The following PLSCR5 variants were observed in gnomAD, a reference collection of about 807,000 sequenced individuals.
The protein encoded by PLSCR5 is phospholipid scramblase family member 5.
In PLSCR5, 44 loss-of-function variants were observed where a neutral mutation model predicts 33.6. The observed-to-expected ratio is 1.31, with a 90% CI of 1.03 to 1.69. The LOEUF is 1.69. PLSCR5 is among the 40% of genes most tolerant of loss of function. The pLI is 0.00. For synonymous variants in PLSCR5, 148 were observed against 112.3 expected (o/e 1.32, Z -2.01); for missense variants, 375 against 318.7 (o/e 1.18, Z -1.34).
chr3:146,592,949 C>T (rs780575891), intron 4 of PLSCR5, among the ~76,000 whole-genome samples: 2 of 152,084 alleles, frequency 1.3e-5, no homozygotes, highest in African/African-American at 2.4e-5. Context: ...GCTCCATGCA[C>T]GAGCACTTCA....
At chr3:146,591,945 A>C in intron 4 of PLSCR5, 64 bp from the exon 5 acceptor site, 1 of 1,346,280 alleles carries the variant, frequency 7.4e-7, no homozygotes, top group East Asian at 2.5e-5. Context: ...TTTTACTATA[A>C]TGTCAATTTA....
chr3:146,604,631 G>C (rs1432208147), intron 1 of PLSCR5, among the ~76,000 whole-genome samples: 2 of 152,020 alleles, frequency 1.3e-5, no homozygotes, highest in Non-Finnish European at 2.9e-5. Flanking sequence ...ATAAAACTTA[G>C]AGAGTGTAAC....
intron 5 of PLSCR5, among the ~76,000 whole-genome samples, chr3:146,591,135 A>G (rs1464440193): frequency 1.3e-5 from 2 of 151,712 alleles, no homozygotes; most frequent in African/African-American, 4.8e-5. Context: ...CCCATAGGAA[A>G]GAAGATACAT....
intron 2 of PLSCR5, among the ~76,000 whole-genome samples, chr3:146,598,769 C>A (rs183269780): frequency 6.6e-6 from 1 of 152,314 alleles, no homozygotes; most frequent in East Asian, 1.9e-4. Context: ...GCTATTACAG[C>A]TGATCCTTTC....
At chr3:146,581,437 T>C (rs2044632169), downstream of PLSCR5, among the ~76,000 whole-genome samples, 1 of 152,248 alleles carries the variant, frequency 6.6e-6, no homozygotes, top group Non-Finnish European at 1.5e-5. Context: ...TTTACTGTTA[T>C]AACTTAATGC....
At chr3:146,597,186 A>G (rs2044768515) in intron 2 of PLSCR5, among the ~76,000 whole-genome samples, 1 of 152,182 alleles carries the variant, frequency 6.6e-6, no homozygotes, top group Non-Finnish European at 1.5e-5. Context: ...CTGACAATGA[A>G]AAAGTAGTAC....
Position 146,605,194 on chromosome 3 carries a change from T to C in PLSCR5, c.13+6A>G. 1 of 1,609,576 alleles carries C rather than the reference T, an allele frequency of 6.2e-7. No homozygotes were observed. ...AAAGTTATTAGTTGGTTATATTTACTCTTACCTTTAGAGGCCATGAAGATG... is the reference window on the plus strand; with the variant it reads ...AAAGTTATTAGTTGGTTATATTTACCCTTACCTTTAGAGGCCATGAAGATG... On this transcript the variant is annotated splice_donor_region_variant and intron_variant, in intron 1 of 7. Coordinates refer to ENST00000443512, the MANE Select transcript of PLSCR5 (RefSeq NM_001085420.2).
intron 2 of PLSCR5, among the ~76,000 whole-genome samples, chr3:146,597,704 GA>G (rs2044773441): frequency 6.6e-6 from 1 of 152,084 alleles, no homozygotes; most frequent in African/African-American, 2.4e-5. Flanking sequence ...AGCAATTTTG[GA>G]AACTTTAAAC....
rs188009563 is a variant in PLSCR5 at position 146,600,503 on chromosome 3, G to A, written c.14-40C>T. 343 of 1,495,844 alleles carry A rather than the reference G, an allele frequency of 2.3e-4. 1 individual carries two copies. In the African/African-American group the frequency reaches 4.2e-3, roughly 18 times the overall value. 92.7% of individuals were successfully genotyped at this position (1,495,844 alleles called of 1,614,324 possible). On this transcript the variant is annotated intron_variant, in intron 1 of 7. Coordinates refer to ENST00000443512, the MANE Select transcript of PLSCR5 (RefSeq NM_001085420.2). ...AAATCCCAATCCATATTTAAATTTA[G>A]GCCATTTTATTTAGTCCTTCTTAAA...
At chr3:146,576,939 T>G (rs2044602305) in intron 7 of PLSCR5, among the ~76,000 whole-genome samples, 1 of 151,964 alleles carries the variant, frequency 6.6e-6, no homozygotes, top group African/African-American at 2.4e-5. Flanking sequence ...TTTGTCAGCA[T>G]TAGAAAAGAA....
intron 2 of PLSCR5, among the ~76,000 whole-genome samples, chr3:146,595,516 G>A (rs2044753525): frequency 6.6e-6 from 1 of 152,126 alleles, no homozygotes; most frequent in Non-Finnish European, 1.5e-5. Flanking sequence ...GAGAGGTGGA[G>A]GTGGGAGGAT....
chr3:146,596,126 T>C (rs1329248304), intron 2 of PLSCR5, among the ~76,000 whole-genome samples: 3 of 152,246 alleles, frequency 2.0e-5, no homozygotes, highest in African/African-American at 7.2e-5. Context: ...AAATCTGTAA[T>C]GCAAATTGCT....
At chr3:146,588,557 GCACACACATATACA>G (rs1349674536) in intron 6 of PLSCR5, among the ~76,000 whole-genome samples, 4 of 148,272 alleles carry the variant, frequency 2.7e-5, no homozygotes, top group South Asian at 2.1e-4. Flanking sequence ...ACATGTTCAT[GCACACACATATACA>G]CACACACACA....
chr3:146,603,035 G>A (rs1414231690), intron 1 of PLSCR5, among the ~76,000 whole-genome samples: 4 of 152,096 alleles, frequency 2.6e-5, no homozygotes, highest in East Asian at 1.9e-4. Flanking sequence ...TCAGATCACC[G>A]TGTTTGAGAG....
chr3:146,579,143 T>A (rs149495785), intron 7 of PLSCR5, among the ~76,000 whole-genome samples: 1 of 152,166 alleles, frequency 6.6e-6, no homozygotes, highest in African/African-American at 2.4e-5. Context: ...TTTCACAGCA[T>A]AAGAAATAGA....
chr3:146,581,991 T>G (rs1359350504), downstream of PLSCR5, among the ~76,000 whole-genome samples: 1 of 150,112 alleles, frequency 6.7e-6, no homozygotes, highest in Non-Finnish European at 1.5e-5. Flanking sequence ...CCACTTTCCT[T>G]TTTTGACATC....
intron 5 of PLSCR5, 90 bp downstream of exon 5, chr3:146,591,630 T>A (rs928868844): frequency 7.5e-7 from 1 of 1,339,044 alleles, no homozygotes; most frequent in Non-Finnish European, 1.0e-6. Context: ...TTATTTTAAA[T>A]GAAATTAATT....
chr3:146,593,305 C>T lies in PLSCR5; in HGVS notation c.453+615G>A, dbSNP rs116083260. Among the ~76,000 whole-genome samples, 975 of 152,060 alleles carry T rather than the reference C, an allele frequency of 6.4e-3. 11 individuals carry two copies. Among genetic ancestry groups the T allele is most frequent in the African/African-American group, 0.022 (933 of 41,500 alleles). On this transcript the variant is annotated intron_variant, in intron 4 of 7. Transcript: ENST00000443512. ...TGAGTAGAATATCATGGTATCAAAG[C>T]CAGTAAAGTAAGTAAAAGTTCTGTG...
At chr3:146,578,331 A>G (rs1308802825) in intron 7 of PLSCR5, among the ~76,000 whole-genome samples, 1 of 152,168 alleles carries the variant, frequency 6.6e-6, no homozygotes, top group Non-Finnish European at 1.5e-5. Context: ...ATAACACCAC[A>G]GATATACTAT....
Sources: gnomAD v4.1 joint callset for allele counts (sites outside exome capture counted in the v4.1 genomes callset) on GRCh38, gnomAD v4.1.1 for gene constraint, MANE v1.5 for transcripts, NCBI Gene and HGNC (gene_info 2026-07-23, HGNC 2026-07-21) for gene names.